Variants in STPG2 observed in about 807,000 individuals in gnomAD.
STPG2 encodes sperm-tail PG-rich repeat-containing protein 2.
A neutral mutation model predicts 54.2 loss-of-function variants in STPG2; 56 were observed. That is an observed-to-expected ratio of 1.03 (90% CI 0.83 to 1.29). The LOEUF is 1.29. STPG2 is among the 50% of genes most tolerant of loss of function. STPG2 has a pLI of 0.00. For synonymous variants in STPG2, 200 were observed against 181.8 expected (o/e 1.10, Z -0.81); for missense variants, 596 against 544.9 (o/e 1.09, Z -0.93).
At chr4:97,762,964 C>T (rs1725930922) in intron 9 of STPG2, among the ~76,000 whole-genome samples, 1 of 152,112 alleles carries the variant, frequency 6.6e-6, no homozygotes, top group Non-Finnish European at 1.5e-5. Context: ...AAATAATCTA[C>T]GTTATATTTT....
intron 4 of STPG2, among the ~76,000 whole-genome samples, chr4:97,484,872 G>T (rs1385382238): frequency 1.3e-5 from 2 of 151,672 alleles, no homozygotes; most frequent in African/African-American, 4.8e-5. Context: ...TGATCAAGTG[G>T]GTTTCACACC....
At chr4:98,090,171 T>C (rs997261739) in intron 5 of STPG2, among the ~76,000 whole-genome samples, 1 of 152,162 alleles carries the variant, frequency 6.6e-6, no homozygotes, top group Non-Finnish European at 1.5e-5. Flanking sequence ...CCTAGAATTT[T>C]TATGGTTTCA....
intron 10 of STPG2, among the ~76,000 whole-genome samples, chr4:97,561,758 C>T (rs1354844770): frequency 3.3e-5 from 5 of 152,052 alleles, no homozygotes; most frequent in East Asian, 1.9e-4. Flanking sequence ...TGTAGATATG[C>T]AGCGTTATTT....
chr4:97,592,231 A>G (rs1367602566), intron 10 of STPG2, among the ~76,000 whole-genome samples: 1 of 152,128 alleles, frequency 6.6e-6, no homozygotes, highest in African/African-American at 2.4e-5. Flanking sequence ...TTTATTTATT[A>G]TGTAAAAGAA....
intron 8 of STPG2, among the ~76,000 whole-genome samples, chr4:97,865,647 AC>A (rs1278581337): frequency 2.0e-5 from 3 of 151,948 alleles, no homozygotes; most frequent in African/African-American, 7.2e-5. Context: ...TGGGAATTGA[AC>A]AATGAGAACA....
chr4:97,687,011 G>C (rs967834597), intron 10 of STPG2, among the ~76,000 whole-genome samples: 15 of 151,260 alleles, frequency 9.9e-5, no homozygotes, highest in African/African-American at 3.6e-4. Context: ...CGCGATCTGG[G>C]CTCACTGCAA....
intron 4 of STPG2, among the ~76,000 whole-genome samples, chr4:97,536,793 G>A (rs1291535700): frequency 1.3e-5 from 2 of 152,144 alleles, no homozygotes; most frequent in Non-Finnish European, 2.9e-5. Context: ...TCTAAAGGGT[G>A]CTCCATCATG....
rs552851052 is a variant in STPG2 at position 98,076,105 on chromosome 4, G to A, written c.612+29848C>T. Among the ~76,000 whole-genome samples, 58 of 152,152 alleles carry A rather than the reference G, an allele frequency of 3.8e-4. 1 individual carries two copies. The South Asian group carries it at 6.2e-3, about 16-fold the overall frequency. On this transcript the variant is annotated intron_variant, in intron 5 of 10. Transcript: ENST00000295268. Reference sequence around the variant, plus strand: ...TAAAAATACAAAAAATTAGCCAGGCGTGGTGGCGGGCGCCTGTAGTCCCAG... The same window carrying A: ...TAAAAATACAAAAAATTAGCCAGGCATGGTGGCGGGCGCCTGTAGTCCCAG...
intron 7 of STPG2, among the ~76,000 whole-genome samples, chr4:97,955,554 A>C (rs1733645897): frequency 6.6e-6 from 1 of 152,196 alleles, no homozygotes; most frequent in African/African-American, 2.4e-5. Flanking sequence ...GGCATGGTGA[A>C]TAGTTCTAAC....
intron 10 of STPG2, chr4:97,572,809 T>G (rs1732633730): frequency 6.6e-6 from 1 of 152,084 alleles, no homozygotes; most frequent in South Asian, 2.1e-4. Context: ...GATGTCAAGG[T>G]TTTGTGAAAC....
intron 5 of STPG2, among the ~76,000 whole-genome samples, chr4:98,030,113 T>C (rs768832355): frequency 4.6e-5 from 7 of 152,180 alleles, no homozygotes; most frequent in Non-Finnish European, 7.3e-5. Flanking sequence ...GCAAGATTCT[T>C]CCTACTTACA....
At chr4:97,930,574 A>C (rs1732505613) in intron 8 of STPG2, among the ~76,000 whole-genome samples, 1 of 152,152 alleles carries the variant, frequency 6.6e-6, no homozygotes. Flanking sequence ...TGTTTTGGTT[A>C]CTGCAACCTG....
intron 5 of STPG2, among the ~76,000 whole-genome samples, chr4:98,039,249 G>T (rs1398593945): frequency 6.6e-6 from 1 of 151,506 alleles, no homozygotes; most frequent in Non-Finnish European, 1.5e-5. Context: ...AACTGTACTA[G>T]TCATACAATA....
At chr4:98,136,080 T>G (rs1369920201) in intron 1 of STPG2, among the ~76,000 whole-genome samples, 1 of 151,672 alleles carries the variant, frequency 6.6e-6, no homozygotes, top group Non-Finnish European at 1.5e-5. Flanking sequence ...TAATCTATTA[T>G]AAATATCCTT....
rs1345147608 is a variant in STPG2, at chr4:97,604,485, T to C, written c.1321-45368A>G. Among the ~76,000 whole-genome samples, 9 of 151,688 alleles carry C rather than the reference T, an allele frequency of 5.9e-5. No homozygotes were observed. In the East Asian group the frequency reaches 1.5e-3, roughly 26 times the overall value. On this transcript the variant is annotated intron_variant, in intron 10 of 10. Transcript: ENST00000295268. ...ATTCTGTCTCAAAACAGATGTGATG[T>C]TGAATGACAGGATGCCCCTCTTGAG... is the stretch of plus-strand genomic sequence containing the variant.
intron 1 of STPG2, 152 bp downstream of exon 1, chr4:98,142,890 A>G: frequency 5.6e-6 from 4 of 711,574 alleles, no homozygotes; most frequent in South Asian, 4.8e-5. Flanking sequence ...CTGTAAAATA[A>G]AAGTATAGTG....
intron 3 of STPG2, among the ~76,000 whole-genome samples, chr4:98,120,035 T>C (rs554810450): frequency 2.5e-4 from 38 of 152,306 alleles, no homozygotes; most frequent in African/African-American, 8.2e-4. Flanking sequence ...GGCTTTACTA[T>C]TGTGAATAGT....
chr4:97,778,591 T>A (rs1359795417), intron 9 of STPG2, among the ~76,000 whole-genome samples: 1 of 152,158 alleles, frequency 6.6e-6, no homozygotes, highest in Non-Finnish European at 1.5e-5. Flanking sequence ...GTAGTGGTTC[T>A]CCCAGCATGG....
intron 10 of STPG2, among the ~76,000 whole-genome samples, chr4:97,656,205 T>G (rs1722214268): frequency 6.6e-6 from 1 of 152,144 alleles, no homozygotes; most frequent in African/African-American, 2.4e-5. Context: ...GTTGCAGTGT[T>G]GCAGTATTGC....
Sources: gnomAD v4.1 joint callset for allele counts (sites outside exome capture counted in the v4.1 genomes callset) on GRCh38, gnomAD v4.1.1 for gene constraint, MANE v1.5 for transcripts, NCBI Gene and HGNC (gene_info 2026-07-23, HGNC 2026-07-21) for gene names.